NELL1: variants seen among roughly 807,000 people sequenced by gnomAD.
NELL1 encodes neural EGFL like 1.
NELL1 carries 76 observed loss-of-function variants against 107.4 expected under a neutral mutation model. The observed-to-expected ratio is 0.71, with a 90% CI of 0.59 to 0.86. The LOEUF is 0.86. NELL1 is among the 40% of genes least tolerant of loss of function. The pLI is 0.00. For missense variants in NELL1, 1,024 were observed against 1,005.5 expected (o/e 1.02, Z -0.25); for synonymous variants, 353 against 341.2 (o/e 1.03, Z -0.38).
intron 12 of NELL1, among the ~76,000 whole-genome samples, chr11:21,089,077 G>A (rs1246436797): frequency 1.3e-5 from 2 of 152,108 alleles, no homozygotes; most frequent in Non-Finnish European, 2.9e-5. Context: ...TGGGGGATGG[G>A]ACATAGATAA....
Position 21,328,319 on chromosome 11 carries a change from C to T in NELL1, c.1550-42534C>T, listed in dbSNP as rs551831771. Among the ~76,000 whole-genome samples, 3 of 152,256 alleles carry T rather than the reference C, an allele frequency of 2.0e-5. No individual in the cohort carries two copies. The East Asian group carries it at 5.8e-4, about 29-fold the overall frequency. ...GTTCAGGCTGTTGCTTTAGAGGGTGCAAGCCTTCAGCCTTGGCAGCTTACA... is the reference window on the plus strand; with the variant it reads ...GTTCAGGCTGTTGCTTTAGAGGGTGTAAGCCTTCAGCCTTGGCAGCTTACA... On this transcript the variant is annotated intron_variant, in intron 14 of 19. Transcript: ENST00000357134.
chr11:21,419,453 C>T (rs1852604705), intron 15 of NELL1, among the ~76,000 whole-genome samples: 1 of 152,064 alleles, frequency 6.6e-6, no homozygotes, highest in Non-Finnish European at 1.5e-5. Context: ...ATAGAAGAGA[C>T]TTTTAGGGGT....
rs534287922 is a variant in NELL1, at chr11:21,502,975, C to T, written c.1646-31399C>T. On this transcript the variant is annotated intron_variant, in intron 15 of 19. Transcript: ENST00000357134. ...TAGGCTCACCACAACTTCCGCCTCC[C>T]GGGTTCAAGTGATTCTCCTGCCTCA... Among the ~76,000 whole-genome samples, 11 of 152,236 alleles carry T rather than the reference C, an allele frequency of 7.2e-5. No individual in the cohort carries two copies. The East Asian group carries it at 7.7e-4, about 11-fold the overall frequency.
intron 2 of NELL1, among the ~76,000 whole-genome samples, chr11:20,696,326 T>C (rs1854615927): frequency 6.6e-6 from 1 of 152,102 alleles, no homozygotes. Flanking sequence ...AGCTTTGGGG[T>C]TAGTTTTTTC....
rs371921331 is a variant in NELL1, at chr11:20,795,701, G to A, written c.335+11871G>A. 1.5e-4 allele frequency among the ~76,000 whole-genome samples: 23 copies of A among 152,090 alleles called. No homozygotes were observed. In the East Asian group the frequency reaches 2.9e-3, roughly 19 times the overall value. ...AATTAGATGGGAAGTTGAAAGCTAG[G>A]GTTCTAAGAAAAAGCTTCCCATGGA... On this transcript the variant is annotated intron_variant, in intron 3 of 19. Coordinates refer to ENST00000357134, the MANE Select transcript of NELL1 (RefSeq NM_006157.5).
rs1981410 is a variant in NELL1, at chr11:21,404,866, G to C, written c.1645+33918G>C. Among the ~76,000 whole-genome samples the C allele has an allele frequency of 1.1e-3, 173 of 151,912 alleles. 5 individuals are homozygous for C. In the South Asian group the frequency reaches 0.035, roughly 30 times the overall value. On this transcript the variant is annotated intron_variant, in intron 15 of 19. Coordinates refer to ENST00000357134, the MANE Select transcript of NELL1 (RefSeq NM_006157.5). The stretch of plus-strand genomic sequence containing the variant: ...GGGGCTTTCCTCAGTGGTCCCAAGG[G>C]GATCAGACTCTCAGTGTTTTTAATT...
In NELL1 at chr11:20,835,943, C is replaced by A. The variant is rs114456578; in HGVS notation, c.336-11640C>A. Among the ~76,000 whole-genome samples, 1,190 of 152,026 alleles carry A rather than the reference C, an allele frequency of 7.8e-3. 19 individuals carry two copies. Among genetic ancestry groups the A allele is most frequent in the African/African-American group, 0.027 (1,130 of 41,474 alleles). On this transcript the variant is annotated intron_variant, in intron 3 of 19. Coordinates refer to ENST00000357134, the MANE Select transcript of NELL1 (RefSeq NM_006157.5). ...GTTGTTAAGTTAGATTTTTATTAAACCTTAAGCCTTCTGCTCTACCAGAAA... is the reference window on the plus strand; with the variant it reads ...GTTGTTAAGTTAGATTTTTATTAAAACTTAAGCCTTCTGCTCTACCAGAAA...
intron 14 of NELL1, among the ~76,000 whole-genome samples, chr11:21,355,283 A>G (rs917005593): frequency 1.1e-4 from 16 of 152,164 alleles, no homozygotes; most frequent in Non-Finnish European, 4.4e-5. Flanking sequence ...AGAGTTTTTG[A>G]TATTTGAGAA....
In NELL1 at chr11:21,502,669, T is replaced by A. The variant is rs182559347; in HGVS notation, c.1646-31705T>A. On this transcript the variant is annotated intron_variant, in intron 15 of 19. Coordinates refer to ENST00000357134, the MANE Select transcript of NELL1 (RefSeq NM_006157.5). The stretch of plus-strand genomic sequence containing the variant: ...GTCCTACTACCTGCCTTTCAGACAG[T>A]TTTTAGCTTTAGGATTCATGTGGCA... Among the ~76,000 whole-genome samples, 8 of 152,274 alleles carry A rather than the reference T, an allele frequency of 5.3e-5. No individual in the cohort carries two copies. The East Asian group carries it at 1.2e-3, about 22-fold the overall frequency.
chr11:21,324,272 G>A lies in NELL1; in HGVS notation c.1550-46581G>A, dbSNP rs779224585. Among the ~76,000 whole-genome samples the A allele has an allele frequency of 2.6e-5, 4 of 151,952 alleles. 1 individual carries two copies. Among genetic ancestry groups the A allele is most frequent in the South Asian group, 4.1e-4 (2 of 4,820 alleles). On this transcript the variant is annotated intron_variant, in intron 14 of 19. Transcript: ENST00000357134. ...CTAGTAAATGGCAGAGCTGGGATTC[G>A]GACAAAAGAGCTTTTGACTCTATTT...
chr11:21,166,851 T>G (rs1423535854), intron 13 of NELL1, among the ~76,000 whole-genome samples: 1 of 151,932 alleles, frequency 6.6e-6, no homozygotes, highest in Non-Finnish European at 1.5e-5. Flanking sequence ...CATGGCCTTT[T>G]GTTATTAAAA....
At chr11:21,294,110 G>A (rs911657556) in intron 14 of NELL1, among the ~76,000 whole-genome samples, 1 of 151,924 alleles carries the variant, frequency 6.6e-6, no homozygotes, top group African/African-American at 2.4e-5. Flanking sequence ...ATATAAAAAT[G>A]GCAAAAAACT....
intron 10 of NELL1, among the ~76,000 whole-genome samples, chr11:20,947,065 A>G (rs1049934663): frequency 3.3e-5 from 5 of 152,156 alleles, no homozygotes; most frequent in Admixed American, 3.3e-4. Flanking sequence ...GACTTTTATC[A>G]GTGCATTGCT....
chr11:21,388,036 GA>G (rs1485802907), intron 15 of NELL1, among the ~76,000 whole-genome samples: 1 of 151,282 alleles, frequency 6.6e-6, no homozygotes, highest in East Asian at 2.0e-4. Flanking sequence ...AGAACAAGGG[GA>G]CAGCTGGAAC....
At chr11:21,474,209 T>G (rs897048384) in intron 15 of NELL1, among the ~76,000 whole-genome samples, 6 of 152,056 alleles carry the variant, frequency 3.9e-5, no homozygotes, top group Non-Finnish European at 7.4e-5. Context: ...AATAACACCT[T>G]TATTCCTTCC....
chr11:20,970,078 TCC>T (rs1851466841), intron 12 of NELL1, among the ~76,000 whole-genome samples: 1 of 151,904 alleles, frequency 6.6e-6, no homozygotes, highest in African/African-American at 2.4e-5. Context: ...CATCCATCCA[TCC>T]ATCCATCCAT....
chr11:21,339,207 C>A (rs1215124888), intron 14 of NELL1, among the ~76,000 whole-genome samples: 1 of 152,056 alleles, frequency 6.6e-6, no homozygotes, highest in Non-Finnish European at 1.5e-5. Context: ...TGAAGATGTC[C>A]CTAATCCATT....
chr11:20,833,791 C>T (rs1858063938), intron 3 of NELL1, among the ~76,000 whole-genome samples: 1 of 152,106 alleles, frequency 6.6e-6, no homozygotes, highest in Non-Finnish European at 1.5e-5. Context: ...GGATAAGAGC[C>T]TTCCAGGTAG....
At position 20,701,200 on chromosome 11, in the gene NELL1, T is replaced by A. The variant is rs573202935; in HGVS notation, c.184+23140T>A. Among the ~76,000 whole-genome samples, 345 of 152,176 alleles carry A rather than the reference T, an allele frequency of 2.3e-3. 3 individuals are homozygous for A. Among genetic ancestry groups the A allele is most frequent in the African/African-American group, 7.9e-3 (329 of 41,430 alleles). ...TTCTTGTCTTTTTAATAATTGCCATTCTAACTGGTGTGAGATGGTATCTCA... is the reference window on the plus strand; with the variant it reads ...TTCTTGTCTTTTTAATAATTGCCATACTAACTGGTGTGAGATGGTATCTCA... On this transcript the variant is annotated intron_variant, in intron 2 of 19. Transcript: ENST00000357134.
Sources: gnomAD v4.1 joint callset for allele counts (sites outside exome capture counted in the v4.1 genomes callset) on GRCh38, gnomAD v4.1.1 for gene constraint, MANE v1.5 for transcripts, NCBI Gene and HGNC (gene_info 2026-07-23, HGNC 2026-07-21) for gene names.